The following L3MBTL3 variants were observed in gnomAD, a reference collection of about 807,000 sequenced individuals.
L3MBTL3 encodes the protein lethal(3)malignant brain tumor-like protein 3.
Under a neutral mutation model 102.3 loss-of-function variants are expected in L3MBTL3, and 27 were observed. The observed-to-expected ratio is 0.26, with a 90% CI of 0.19 to 0.36. The LOEUF (loss-of-function observed/expected upper bound fraction) is 0.36. Ranked by LOEUF, L3MBTL3 falls within the 10% of genes least tolerant of loss-of-function variation. The pLI, the probability that L3MBTL3 is intolerant of heterozygous loss-of-function variation, is 1.00. For missense variants in L3MBTL3, 798 were observed against 955.3 expected, an observed-to-expected ratio of 0.84 and a Z score of 2.17; for synonymous variants, 340 against 320.9, an observed-to-expected ratio of 1.06 and a Z score of -0.64.
At chr6:130,049,907 T>G in intron 5 of L3MBTL3, 77 bp downstream of exon 5, 1 of 1,521,748 alleles carries the variant, frequency 6.6e-7, no homozygotes, top group Non-Finnish European at 8.8e-7. Flanking sequence ...CTGCTCTTTC[T>G]TCCCTAACCC....
At chr6:130,130,439 G>A (rs900274544) in intron 20 of L3MBTL3, among the ~76,000 whole-genome samples, 2 of 152,104 alleles carry the variant, frequency 1.3e-5, no homozygotes, top group Admixed American at 6.6e-5. Context: ...CTGTAGTGTA[G>A]AATTGGAAAT....
At chr6:130,118,563 T>TTC (rs976420729) in intron 19 of L3MBTL3, among the ~76,000 whole-genome samples, 13 of 152,318 alleles carry the variant, frequency 8.5e-5, no homozygotes, top group African/African-American at 3.1e-4. Flanking sequence ...ACCTCAGGGG[T>TTC]ATAGGCGCTT....
intron 2 of L3MBTL3, among the ~76,000 whole-genome samples, chr6:130,032,865 C>T (rs1290276890): frequency 6.6e-6 from 1 of 152,042 alleles, no homozygotes; most frequent in African/African-American, 2.4e-5. Context: ...TGGTGGTGTG[C>T]ACCTGTAGTG....
chr6:130,134,465 A>G (rs1787400317), intron 22 of L3MBTL3, among the ~76,000 whole-genome samples: 1 of 152,208 alleles, frequency 6.6e-6, no homozygotes, highest in African/African-American at 2.4e-5. Flanking sequence ...TCCCTCTCCA[A>G]AACTTCAATA....
intron 19 of L3MBTL3, among the ~76,000 whole-genome samples, chr6:130,115,981 C>T (rs1785647556): frequency 2.0e-5 from 3 of 152,164 alleles, no homozygotes; most frequent in Non-Finnish European, 2.9e-5. Context: ...GCTATCATCA[C>T]ACCTTCATTC....
At chr6:130,074,379 C>T (rs62421345) in intron 13 of L3MBTL3, among the ~76,000 whole-genome samples, 2 of 152,140 alleles carry the variant, frequency 1.3e-5, no homozygotes, top group Non-Finnish European at 2.9e-5. Flanking sequence ...TGGGTTTCTT[C>T]TGTGCTTTTG....
At chr6:130,026,738 A>T (rs571841522) in intron 2 of L3MBTL3, among the ~76,000 whole-genome samples, 1 of 152,150 alleles carries the variant, frequency 6.6e-6, no homozygotes, top group Non-Finnish European at 1.5e-5. Context: ...GCTTACTTAT[A>T]TAAAGATTTC....
chr6:130,060,491 A>T (rs1401799438), intron 10 of L3MBTL3, among the ~76,000 whole-genome samples: 1 of 151,774 alleles, frequency 6.6e-6, no homozygotes, highest in Non-Finnish European at 1.5e-5. Flanking sequence ...TTAGTATTTC[A>T]AGGTATCTCT....
At chr6:130,091,473 AC>A (rs1017519549) in intron 16 of L3MBTL3, among the ~76,000 whole-genome samples, 5 of 152,112 alleles carry the variant, frequency 3.3e-5, no homozygotes, top group African/African-American at 7.2e-5. Flanking sequence ...CCTAAAAAAA[AC>A]ATGGTCGATT....
Position 130,060,076 on chromosome 6 carries a change from G to C in L3MBTL3, c.800G>C (p.Gly267Ala). 1 of 1,613,632 alleles carries C rather than the reference G, an allele frequency of 6.2e-7. No homozygotes were observed. The highest frequency in any genetic ancestry group is 1.3e-5 in the African/African-American group (1 of 74,980). ...TATAACAAAAATGGATTCAAAGTTG[G>C]CATGAAATTAGAAGGCGTGGATCCT... Reference protein sequence around the residue: ...FPYNKNGFKVGMKLEGVDPEH... With the variant: ...FPYNKNGFKVAMKLEGVDPEH... Residue 267 changes from glycine (G) to alanine (A), a missense_variant, in exon 10 of 23, where the codon GGC becomes GCC. Transcript: ENST00000361794.
intron 12 of L3MBTL3, 25 bp downstream of exon 12, chr6:130,068,446 C>A (rs1782413298): frequency 7.5e-7 from 1 of 1,338,638 alleles, no homozygotes; most frequent in Non-Finnish European, 1.1e-6. Flanking sequence ...AACACGTTTT[C>A]TTTCAAAGGA....
At chr6:130,115,658 A>G (rs560424985) in intron 19 of L3MBTL3, among the ~76,000 whole-genome samples, 1 of 152,222 alleles carries the variant, frequency 6.6e-6, no homozygotes, top group Non-Finnish European at 1.5e-5. Flanking sequence ...GTGACACATA[A>G]TTACAGAGAA....
At chr6:130,054,672 A>G (rs571563881) in intron 7 of L3MBTL3, among the ~76,000 whole-genome samples, 8 of 152,342 alleles carry the variant, frequency 5.3e-5, no homozygotes, top group African/African-American at 1.9e-4. Flanking sequence ...TGAAATGCTG[A>G]TTAACCATCC....
chr6:130,067,695 A>G (rs1471767845), intron 11 of L3MBTL3, among the ~76,000 whole-genome samples: 1 of 152,208 alleles, frequency 6.6e-6, no homozygotes, highest in African/African-American at 2.4e-5. Flanking sequence ...TGGTTTTTTC[A>G]TGCTGCTTTC....
At position 130,127,150 on chromosome 6, in the gene L3MBTL3, T is replaced by C. The variant is rs529743324; in HGVS notation, c.1966+6192T>C. 1.8e-4 allele frequency among the ~76,000 whole-genome samples: 28 copies of C among 152,300 alleles called. No individual in the cohort carries two copies. In the South Asian group the frequency reaches 5.0e-3, roughly 27 times the overall value. Reference sequence around the variant, plus strand: ...TTGGAGCTGCCCTGAGAAGAATAGATGAAAAGTCTCTCTGAGCATGGTGAT... The same window carrying C: ...TTGGAGCTGCCCTGAGAAGAATAGACGAAAAGTCTCTCTGAGCATGGTGAT... On this transcript the variant is annotated intron_variant, in intron 20 of 22. Transcript: ENST00000361794.
chr6:130,068,288 T>C (rs531011043), intron 11 of L3MBTL3, 42 bp from the exon 12 acceptor site: 11 of 1,047,416 alleles, frequency 1.1e-5, no homozygotes, highest in African/African-American at 9.5e-5. Flanking sequence ...GTGTAAAATA[T>C]TGTGGTATTT....
At chr6:130,082,421 A>G (rs911455663) in intron 14 of L3MBTL3, among the ~76,000 whole-genome samples, 2 of 152,140 alleles carry the variant, frequency 1.3e-5, no homozygotes, top group Non-Finnish European at 1.5e-5. Flanking sequence ...TATTTGTTCA[A>G]TTTATCTGTA....
Position 130,133,388 on chromosome 6 carries a change from C to A in L3MBTL3, c.1967-64C>A. 6.6e-7 allele frequency: 1 copy of A among 1,514,642 alleles called. No individual in the cohort carries two copies. Among genetic ancestry groups the A allele is most frequent in the Non-Finnish European group, 9.1e-7 (1 of 1,098,648 alleles). 93.8% of individuals were successfully genotyped at this position (1,514,642 alleles called of 1,614,324 possible). A position where few individuals can be genotyped will look rare whatever the true frequency, so the allele number is the denominator to read the frequency against. On this transcript the variant is annotated intron_variant, in intron 20 of 22. Coordinates refer to ENST00000361794, the MANE Select transcript of L3MBTL3 (RefSeq NM_032438.4). This position sits in a 1 kb window ranked among gnomAD's most constrained non-coding sequence, Gnocchi z 4.9. Reference sequence around the variant, plus strand: ...CTCCAGTCTCGTTATCTGGGAGATGCACGGCATTTGGGGCTTTCTTGCTGC... The same window carrying A: ...CTCCAGTCTCGTTATCTGGGAGATGAACGGCATTTGGGGCTTTCTTGCTGC...
chr6:130,045,182 T>G (rs1391139018), intron 3 of L3MBTL3, among the ~76,000 whole-genome samples: 1 of 152,170 alleles, frequency 6.6e-6, no homozygotes, highest in Admixed American at 6.6e-5. Context: ...CCCCTTAAGT[T>G]TACCACAAGA....
Sources: allele counts gnomAD v4.1 joint callset (sites outside exome capture counted in the v4.1 genomes callset), GRCh38; gene constraint gnomAD v4.1.1; non-coding constraint Gnocchi (gnomAD v3.1); transcripts MANE v1.5; gene names NCBI Gene and HGNC (gene_info 2026-07-23, HGNC 2026-07-21).